The following ITLN2 variants were observed in gnomAD, a reference collection of about 807,000 sequenced individuals.
ITLN2 encodes intelectin-2.
A neutral mutation model predicts 39.4 loss-of-function variants in ITLN2; 29 were observed. The ratio of observed to expected loss-of-function variants is 0.74; its 90% confidence interval spans 0.55 to 1.00. The LOEUF (loss-of-function observed/expected upper bound fraction) is 1.00, where lower values mean the gene tolerates loss of function less well. Ranked by LOEUF, ITLN2 falls within the 50% of genes least tolerant of loss-of-function variation. The pLI is 0.00. For missense variants in ITLN2, 412 were observed against 416.7 expected (o/e 0.99, Z 0.10); for synonymous variants, 156 against 153.4 (o/e 1.02, Z -0.12).
intron 7 of ITLN2, among the ~76,000 whole-genome samples, chr1:160,946,555 CA>C (rs903149346): frequency 2.7e-5 from 4 of 150,056 alleles, no homozygotes; most frequent in Admixed American, 2.0e-4. Flanking sequence ...ACTAAAAATA[CA>C]AAAAAAATTA....
At chr1:160,946,564 T>A (rs1336498164) in intron 7 of ITLN2, among the ~76,000 whole-genome samples, 2 of 150,058 alleles carry the variant, frequency 1.3e-5, no homozygotes, top group East Asian at 2.0e-4. Flanking sequence ...ACAAAAAAAA[T>A]TAGTGGGGCG....
rs553952545 is a variant in ITLN2 at position 160,950,276 on chromosome 1, A to G, written c.601-110T>C. 79 of 1,182,278 alleles carry G rather than the reference A, an allele frequency of 6.7e-5. No individual in the cohort carries two copies. The Middle Eastern group carries it at 1.9e-3, about 29-fold the overall frequency. 73.2% of individuals were successfully genotyped at this position (1,182,278 alleles called of 1,614,324 possible). A position where few individuals can be genotyped will look rare whatever the true frequency, so the allele number is the denominator to read the frequency against. ...CCATTACCCAAAACCAATCCTCATA[A>G]TAGTGACTGCTTTTCCCCATAGCTG... On this transcript the variant is annotated intron_variant, in intron 5 of 7. Coordinates refer to ENST00000368029, the MANE Select transcript of ITLN2 (RefSeq NM_080878.3).
At chr1:160,951,000 C>T in intron 4 of ITLN2, 43 bp downstream of exon 4, 2 of 1,614,158 alleles carry the variant, frequency 1.2e-6, no homozygotes, top group South Asian at 2.2e-5. Flanking sequence ...CAGCCACACT[C>T]CACACCTCAC....
At position 160,947,978 on chromosome 1, in the gene ITLN2, G is replaced by T; in HGVS notation, c.776C>A (p.Ala259Asp). The change falls in exon 7 of 8, where the codon GCC becomes GAC. Residue 259 changes from alanine (A) to aspartate (D), a missense_variant. Transcript: ENST00000368029. ...TTTTATCCCAGCACAAAGGGCGTTG[G>T]CTGCTCTCTCGTTATTAAACACCCG... Reference protein sequence around the residue: ...QFRVFNNERAANALCAGIKVT... With the variant: ...QFRVFNNERADNALCAGIKVT... 1 of 1,614,106 alleles carries T rather than the reference G, an allele frequency of 6.2e-7. No individual in the cohort carries two copies. Among genetic ancestry groups the T allele is most frequent in the Non-Finnish European group, 8.5e-7 (1 of 1,180,002 alleles).
In ITLN2 at chr1:160,951,807, G is replaced by A. The variant is rs78279233; in HGVS notation, c.194-517C>T. Reference sequence around the variant, plus strand: ...CCTAAGTCTTGGCAGAAAGCCTGTGGTCTTCCCCAAACATGGAAAGATGGG... The same window carrying A: ...CCTAAGTCTTGGCAGAAAGCCTGTGATCTTCCCCAAACATGGAAAGATGGG... On this transcript the variant is annotated intron_variant, in intron 3 of 7. Transcript: ENST00000368029. Among the ~76,000 whole-genome samples, 984 of 152,312 alleles carry A rather than the reference G, an allele frequency of 6.5e-3. 22 individuals carry two copies. The South Asian group carries it at 0.071, about 11-fold the overall frequency.
intron 7 of ITLN2, among the ~76,000 whole-genome samples, chr1:160,945,826 C>G (rs1313888468): frequency 6.6e-6 from 1 of 152,094 alleles, no homozygotes; most frequent in Non-Finnish European, 1.5e-5. Flanking sequence ...ATACAATCTC[C>G]CACCACTACA....
Position 160,954,734 on chromosome 1 carries a change from G to C in ITLN2, c.8C>G (p.Ser3Cys). 2 of 1,614,052 alleles carry C rather than the reference G, an allele frequency of 1.2e-6. No individual in the cohort carries two copies. The highest frequency in any genetic ancestry group is 2.2e-5 in the South Asian group (2 of 91,040). Residue 3 changes from serine (S) to cysteine (C), a missense_variant, in exon 1 of 8, where the codon TCC becomes TGC. By Grantham distance (112) the Ser-to-Cys change is moderately radical. Transcript: ENST00000368029. ...CAAAAACATTTTTCTCACCAGCATG[G>C]ACAGCATCCTTACAGATGCCAGGAG... Reference protein sequence around the residue: MLSMLRTMTRLCF... With the variant: MLCMLRTMTRLCF...
intron 2 of ITLN2, among the ~76,000 whole-genome samples, chr1:160,953,650 G>T (rs900479441): frequency 3.3e-5 from 5 of 151,962 alleles, no homozygotes; most frequent in African/African-American, 1.2e-4. Context: ...GACGGAGGTT[G>T]CAGTGAGCCG....
chr1:160,950,018 TGACTG>T, intron 6 of ITLN2, 23 bp downstream of exon 6: 1 of 1,602,240 alleles, frequency 6.2e-7, no homozygotes, highest in Non-Finnish European at 8.5e-7. Context: ...AAAATATTTA[TGACTG>T]GACTTAGGGA....
Position 160,954,371 on chromosome 1 carries a change from C to G in ITLN2, c.79+16G>C, listed in dbSNP as rs1671816395. 1 of 1,555,420 alleles carries G rather than the reference C, an allele frequency of 6.4e-7. No homozygotes were observed. The highest frequency in any genetic ancestry group is 1.4e-5 in the African/African-American group (1 of 73,858). ...AGCCCAGGAAACTGCAGCTCCTACT[C>G]TCAGAAGCCATTTACCTGCACTGCA... On this transcript the variant is annotated intron_variant, in intron 2 of 7. Transcript: ENST00000368029.
At chr1:160,953,181 G>A (rs1671785147) in intron 2 of ITLN2, among the ~76,000 whole-genome samples, 1 of 152,084 alleles carries the variant, frequency 6.6e-6, no homozygotes, top group Non-Finnish European at 1.5e-5. Context: ...GTACACCCCA[G>A]GAAGAGAAGA....
At chr1:160,952,061 C>A (rs1218772629) in intron 3 of ITLN2, among the ~76,000 whole-genome samples, 1 of 152,244 alleles carries the variant, frequency 6.6e-6, no homozygotes, top group Non-Finnish European at 1.5e-5. Flanking sequence ...GTCACTCGCC[C>A]TCTTTTCTGT....
chr1:160,953,170 A>G (rs1488599907), intron 2 of ITLN2, among the ~76,000 whole-genome samples: 1 of 152,130 alleles, frequency 6.6e-6, no homozygotes, highest in Non-Finnish European at 1.5e-5. Context: ...GAAAGGGGAG[A>G]GTACACCCCA....
chr1:160,945,348 T>C, intron 7 of ITLN2, 56 bp from the exon 8 acceptor site: 2 of 1,472,930 alleles, frequency 1.4e-6, no homozygotes, highest in Non-Finnish European at 1.8e-6. Context: ...CTGACACCAG[T>C]GAGCGCAAGG....
intron 2 of ITLN2, among the ~76,000 whole-genome samples, chr1:160,953,283 T>C (rs1671787384): frequency 6.6e-6 from 1 of 152,142 alleles, no homozygotes; most frequent in Non-Finnish European, 1.5e-5. Context: ...GGCTGGAACA[T>C]ATGTTGTAAT....
intron 4 of ITLN2, 69 bp from the exon 5 acceptor site, chr1:160,950,780 A>G: frequency 6.4e-7 from 1 of 1,562,458 alleles, no homozygotes; most frequent in African/African-American, 1.4e-5. Flanking sequence ...CCACATGTGC[A>G]GCCTCAGCTG....
rs149396796 is a variant in ITLN2 at position 160,950,162 on chromosome 1, T to C, written c.605A>G (p.Tyr202Cys). ...GHNLFGIYQK[Y>C]PVKYRSGKCW... is the part of the protein sequence containing the mutation. ...TTTCCCTGATCTGTATTTCACTGGG[T>C]ATTTCTGCAGAGACCCAGAAGAAAG... The change falls in exon 6 of 8, where the codon TAC becomes TGC. Residue 202 changes from tyrosine to cysteine, a missense_variant. Tyr to Cys is a radical substitution (Grantham distance 194, BLOSUM62 -2). Transcript: ENST00000368029. 629 of 1,613,878 alleles carry C rather than the reference T, an allele frequency of 3.9e-4. 2 individuals are homozygous for C. The African/African-American group carries it at 7.6e-3, about 20-fold the overall frequency.
chr1:160,950,787 G>A, intron 4 of ITLN2, 76 bp from the exon 5 acceptor site: 2 of 1,555,172 alleles, frequency 1.3e-6, no homozygotes, highest in Non-Finnish European at 1.7e-6. Flanking sequence ...TGCAGCCTCA[G>A]CTGGGCTGAG....
Position 160,954,808 on chromosome 1 carries a change from C to T in ITLN2, c.-67G>A, listed in dbSNP as rs1335934606. ...ACTCGGAGCTCCCCTGCAGAGGATCCTGATGAAGGGTGAAGTGCTGGTCCC... is the reference window on the plus strand; with the variant it reads ...ACTCGGAGCTCCCCTGCAGAGGATCTTGATGAAGGGTGAAGTGCTGGTCCC... On this transcript the variant is annotated 5_prime_UTR_variant, in exon 1 of 8. Coordinates refer to ENST00000368029, the MANE Select transcript of ITLN2 (RefSeq NM_080878.3). The T allele has an allele frequency of 2.6e-6, 4 of 1,568,488 alleles. No individual in the cohort carries two copies. The highest frequency in any genetic ancestry group is 4.5e-5 in the East Asian group (2 of 44,638).
Sources: gnomAD v4.1 joint callset for allele counts (sites outside exome capture counted in the v4.1 genomes callset) on GRCh38, gnomAD v4.1.1 for gene constraint, MANE v1.5 for transcripts, NCBI Gene and HGNC (gene_info 2026-07-23, HGNC 2026-07-21) for gene names.